Variants in TAF4B observed in about 807,000 individuals in gnomAD.
TAF4B encodes the protein transcription initiation factor TFIID subunit 4B.
TAF4B carries 38 observed loss-of-function variants against 86.4 expected under a neutral mutation model. The observed-to-expected ratio is 0.44, with a 90% CI of 0.34 to 0.58. TAF4B has a LOEUF of 0.58. TAF4B is among the 20% of genes least tolerant of loss of function. The probability of loss-of-function intolerance (pLI) is 0.02; values close to 1 mark genes in which losing one functional copy is unlikely to be tolerated. For missense variants in TAF4B, 988 were observed against 1,027.6 expected (o/e 0.96, Z 0.53); for synonymous variants, 388 against 391.2 (o/e 0.99, Z 0.10).
intron 14 of TAF4B, among the ~76,000 whole-genome samples, chr18:26,377,596 A>G (rs1186511802): frequency 6.6e-6 from 1 of 152,226 alleles, no homozygotes; most frequent in Non-Finnish European, 1.5e-5. Flanking sequence ...TGAATGTGTT[A>G]TCAAGGAGAT....
intron 3 of TAF4B, among the ~76,000 whole-genome samples, chr18:26,273,355 T>A (rs2056343681): frequency 6.6e-6 from 1 of 152,214 alleles, no homozygotes. Flanking sequence ...ATATTTTTAT[T>A]ATGCATTATG....
intron 14 of TAF4B, among the ~76,000 whole-genome samples, chr18:26,387,661 A>G (rs937367380): frequency 6.6e-6 from 1 of 152,150 alleles, no homozygotes; most frequent in Non-Finnish European, 1.5e-5. Context: ...AGAAGTGGCG[A>G]GAGACTGGCT....
At chr18:26,372,761 G>C (rs901544176) in intron 14 of TAF4B, among the ~76,000 whole-genome samples, 3 of 152,042 alleles carry the variant, frequency 2.0e-5, no homozygotes, top group Non-Finnish European at 2.9e-5. Context: ...ACGAGGTCAG[G>C]AGATCGAGAC....
chr18:26,227,365 T>C (rs1370638253), intron 1 of TAF4B, 89 bp downstream of exon 1: 9 of 1,167,764 alleles, frequency 7.7e-6, no homozygotes, highest in South Asian at 1.4e-5. Context: ...CTAAAAAAAC[T>C]GAGCCACGGG....
chr18:26,299,757 A>AT (rs1169959660), intron 9 of TAF4B, among the ~76,000 whole-genome samples: 1 of 151,922 alleles, frequency 6.6e-6, no homozygotes, highest in African/African-American at 2.4e-5. Flanking sequence ...ATGAAGTTGT[A>AT]TTTTTTTAAG....
intron 7 of TAF4B, among the ~76,000 whole-genome samples, chr18:26,288,288 A>T (rs572223395): frequency 4.6e-4 from 70 of 152,218 alleles, no homozygotes; most frequent in Non-Finnish European, 8.8e-4. Flanking sequence ...ATTTTATGAT[A>T]AAAAGGTAGG....
chr18:26,382,465 A>T (rs183275774), intron 14 of TAF4B, among the ~76,000 whole-genome samples: 1 of 152,188 alleles, frequency 6.6e-6, no homozygotes, highest in Admixed American at 6.6e-5. Flanking sequence ...AGAAAATGGC[A>T]GAAAATAGTC....
At chr18:26,348,940 G>C (rs1400168673) in intron 13 of TAF4B, 1 of 152,194 alleles carries the variant, frequency 6.6e-6, no homozygotes, top group Non-Finnish European at 1.5e-5. Flanking sequence ...CCATACTAAA[G>C]AGAAACCCCA....
intron 14 of TAF4B, among the ~76,000 whole-genome samples, chr18:26,358,568 A>G (rs944430640): frequency 9.9e-5 from 15 of 152,066 alleles, no homozygotes; most frequent in Admixed American, 7.9e-4. Flanking sequence ...AAATTAGCCG[A>G]ACGTGGTGGC....
intron 2 of TAF4B, 180 bp from the exon 3 acceptor site, chr18:26,267,336 A>G: frequency 2.3e-6 from 1 of 443,054 alleles, no homozygotes; most frequent in Non-Finnish European, 4.0e-6. Context: ...AATGAGTGTC[A>G]TCTGGGCAGC....
At chr18:26,314,250 T>G (rs548109596) in intron 9 of TAF4B, among the ~76,000 whole-genome samples, 1 of 152,354 alleles carries the variant, frequency 6.6e-6, no homozygotes, top group South Asian at 2.1e-4. Flanking sequence ...ATGTTATACA[T>G]TGTCATATAA....
chr18:26,249,260 C>T (rs1203144770), intron 1 of TAF4B, among the ~76,000 whole-genome samples: 1 of 151,940 alleles, frequency 6.6e-6, no homozygotes, highest in Non-Finnish European at 1.5e-5. Flanking sequence ...AGGTGGATTA[C>T]TTGAGGCCAG....
intron 6 of TAF4B, 121 bp from the exon 7 acceptor site, chr18:26,285,761 A>G (rs2056512715): frequency 1.6e-6 from 2 of 1,232,034 alleles, no homozygotes; most frequent in Non-Finnish European, 2.3e-6. Context: ...AGCTGTCTTC[A>G]ACTGAAATAC....
At chr18:26,252,931 TGTGGG>T (rs2056028079) in intron 1 of TAF4B, among the ~76,000 whole-genome samples, 1 of 152,092 alleles carries the variant, frequency 6.6e-6, no homozygotes, top group East Asian at 1.9e-4. Context: ...AAACATAATA[TGTGGG>T]GTTCAGCACT....
At chr18:26,304,275 T>G (rs376979231) in intron 9 of TAF4B, among the ~76,000 whole-genome samples, 7 of 151,274 alleles carry the variant, frequency 4.6e-5, no homozygotes, top group African/African-American at 1.2e-4. Context: ...TATCCTTGAG[T>G]CAAGCTACAG....
At chr18:26,249,495 T>C (rs1941202887) in intron 1 of TAF4B, among the ~76,000 whole-genome samples, 1 of 151,874 alleles carries the variant, frequency 6.6e-6, no homozygotes, top group Non-Finnish European at 1.5e-5. Context: ...AAAAAGATCA[T>C]TTACGGTGAA....
At chr18:26,288,796 C>A (rs1000896119) in intron 7 of TAF4B, among the ~76,000 whole-genome samples, 2 of 152,070 alleles carry the variant, frequency 1.3e-5, no homozygotes, top group Admixed American at 6.5e-5. Flanking sequence ...ATCTTGACAG[C>A]ATTTTTGTTT....
intron 9 of TAF4B, among the ~76,000 whole-genome samples, chr18:26,301,611 A>G (rs940576308): frequency 6.6e-6 from 1 of 151,962 alleles, no homozygotes; most frequent in Non-Finnish European, 1.5e-5. Flanking sequence ...GTTAAAGTCA[A>G]ATGCTTAATG....
At position 26,383,004 on chromosome 18, in the gene TAF4B, G is replaced by A. The variant is rs1978299251; in HGVS notation, c.2422-6841G>A. Among the ~76,000 whole-genome samples, 5 of 152,276 alleles carry A rather than the reference G, an allele frequency of 3.3e-5. No homozygotes were observed. The South Asian group carries it at 1.0e-3, about 32-fold the overall frequency. On this transcript the variant is annotated intron_variant, in intron 14 of 14. Coordinates refer to ENST00000269142, the MANE Select transcript of TAF4B (RefSeq NM_005640.3). ...TGTGGCAATAAGGATAGGATCAGTG[G>A]AGTTCAGTGAAGAGAGAATGCTATG...
Sources: allele counts gnomAD v4.1 joint callset (sites outside exome capture counted in the v4.1 genomes callset), GRCh38; gene constraint gnomAD v4.1.1; transcripts MANE v1.5; gene names NCBI Gene and HGNC (gene_info 2026-07-23, HGNC 2026-07-21).